Variants in CNTNAP2 observed in about 807,000 individuals in gnomAD.
The protein encoded by CNTNAP2 is contactin-associated protein-like 2.
In CNTNAP2, 98 loss-of-function variants were observed where a neutral mutation model predicts 155.2. The observed-to-expected ratio is 0.63, with a 90% CI of 0.54 to 0.75. The LOEUF (loss-of-function observed/expected upper bound fraction) is 0.75. Ranked by LOEUF, CNTNAP2 falls within the 30% of genes least tolerant of loss-of-function variation. The pLI is 0.00. For synonymous variants in CNTNAP2, 651 were observed against 631.2 expected, an observed-to-expected ratio of 1.03 and a Z score of -0.47; for missense variants, 1,727 against 1,688.1, an observed-to-expected ratio of 1.02 and a Z score of -0.40.
chr7:146,891,201 A>G (rs1336609474), intron 3 of CNTNAP2, among the ~76,000 whole-genome samples: 1 of 152,154 alleles, frequency 6.6e-6, no homozygotes, highest in African/African-American at 2.4e-5. Flanking sequence ...CATTGGGTAC[A>G]CTTCAACATA....
At chr7:146,618,441 T>G (rs17170197) in intron 1 of CNTNAP2, among the ~76,000 whole-genome samples, 10,942 of 152,220 alleles carry the variant, frequency 0.072, 422 homozygotes, top group Non-Finnish European at 0.083. Context: ...TTTCAAATTA[T>G]TTACAACCTA....
At position 146,542,596 on chromosome 7, in the gene CNTNAP2, A is replaced by AC. The variant is rs111242209; in HGVS notation, c.98-231668dup. On this transcript the variant is annotated intron_variant, in intron 1 of 23. Transcript: ENST00000361727. ...CCTTCCCTGACTCTCTCCTTTAGAG[A>AC]CCCCCCCTTACTTCCTGTGATATGC... Among the ~76,000 whole-genome samples, 791 of 151,326 alleles carry AC rather than the reference A, an allele frequency of 5.2e-3. 9 individuals carry two copies. Among genetic ancestry groups the AC allele is most frequent in the African/African-American group, 0.018 (737 of 41,304 alleles).
At chr7:146,675,170 GA>G (rs35323569) in intron 1 of CNTNAP2, among the ~76,000 whole-genome samples, 92,689 of 150,582 alleles carry the variant, frequency 0.62, 31,713 homozygotes, top group South Asian at 0.85. Flanking sequence ...AGATGTTTGA[GA>G]AAAAAAAAAT....
rs564106433 is a variant in CNTNAP2, at chr7:147,302,372, T to C, written c.1498+2082T>C. Among the ~76,000 whole-genome samples the C allele has an allele frequency of 1.4e-4, 21 of 152,308 alleles. No individual in the cohort carries two copies. The South Asian group carries it at 4.1e-3, about 30-fold the overall frequency. ...CCACACATTCATGGCATAGAGTTTA[T>C]AGGATATGAGGTCTTTATGGTGTGC... is the stretch of plus-strand genomic sequence containing the variant. On this transcript the variant is annotated intron_variant, in intron 9 of 23. Transcript: ENST00000361727.
chr7:147,457,616 A>G (rs142519898), intron 10 of CNTNAP2, among the ~76,000 whole-genome samples: 2 of 152,062 alleles, frequency 1.3e-5, no homozygotes, highest in East Asian at 3.9e-4. Flanking sequence ...AGAGCCTGAA[A>G]CTGTTATCTG....
chr7:146,966,106 A>G (rs1226125775), intron 3 of CNTNAP2, among the ~76,000 whole-genome samples: 9 of 152,170 alleles, frequency 5.9e-5, no homozygotes, highest in Non-Finnish European at 4.4e-5. Context: ...GGGTCTAATA[A>G]TGGAAACGTA....
chr7:146,202,382 A>G (rs1433847504), intron 1 of CNTNAP2, among the ~76,000 whole-genome samples: 1 of 152,178 alleles, frequency 6.6e-6, no homozygotes. Context: ...TCGTCTCTTG[A>G]GTGAATTTCT....
intron 19 of CNTNAP2, among the ~76,000 whole-genome samples, chr7:148,218,777 T>C (rs1314431422): frequency 1.3e-5 from 2 of 151,898 alleles, no homozygotes; most frequent in East Asian, 3.9e-4. Context: ...GCACCTAAAA[T>C]TGGCATCCTG....
intron 2 of CNTNAP2, among the ~76,000 whole-genome samples, chr7:146,809,404 C>T (rs1803025056): frequency 6.6e-6 from 1 of 151,870 alleles, no homozygotes. Context: ...CTCTGTCACC[C>T]AGGCTGGAGT....
chr7:147,184,304 A>C lies in CNTNAP2; in HGVS notation c.1348+51795A>C, dbSNP rs188156458. ...GGCTGCCCAACTTGTGGGTTTTCCA[A>C]TGCCTGAGGTCTTTACCATTTAAGT... On this transcript the variant is annotated intron_variant, in intron 8 of 23. Transcript: ENST00000361727. 3.3e-4 allele frequency among the ~76,000 whole-genome samples: 50 copies of C among 152,286 alleles called. 1 individual carries two copies. Among genetic ancestry groups the C allele is most frequent in the African/African-American group, 1.1e-3 (45 of 41,572 alleles).
At chr7:146,117,402 G>C (rs929671945) in intron 1 of CNTNAP2, 2 of 160,618 alleles carry the variant, frequency 1.2e-5, no homozygotes, top group Admixed American at 6.1e-5. Context: ...AGGTTAACAA[G>C]AGGAGCATGT....
chr7:147,975,101 T>C (rs1291343944), intron 14 of CNTNAP2, among the ~76,000 whole-genome samples: 1 of 151,710 alleles, frequency 6.6e-6, no homozygotes, highest in Non-Finnish European at 1.5e-5. Flanking sequence ...GTATTACGTA[T>C]AATACAATTT....
At chr7:146,350,356 A>C (rs1400231037) in intron 1 of CNTNAP2, among the ~76,000 whole-genome samples, 2 of 152,120 alleles carry the variant, frequency 1.3e-5, no homozygotes, top group African/African-American at 2.4e-5. Context: ...ACCCCATCAA[A>C]AAGTGGGCGA....
chr7:146,191,549 T>C (rs1401269667), intron 1 of CNTNAP2, among the ~76,000 whole-genome samples: 4 of 152,166 alleles, frequency 2.6e-5, no homozygotes, highest in Non-Finnish European at 1.5e-5. Flanking sequence ...CTCGTCCTAA[T>C]AGGCCTGGGA....
chr7:146,221,297 C>T (rs1003759670), intron 1 of CNTNAP2, among the ~76,000 whole-genome samples: 1 of 152,192 alleles, frequency 6.6e-6, no homozygotes, highest in Admixed American at 6.5e-5. Context: ...ACAATATATA[C>T]TGCAACAATA....
intron 2 of CNTNAP2, among the ~76,000 whole-genome samples, chr7:146,795,420 G>A (rs1802751254): frequency 6.6e-6 from 1 of 152,164 alleles, no homozygotes; most frequent in African/African-American, 2.4e-5. Context: ...TTAAGAAGAG[G>A]ATTCACATGT....
chr7:148,017,178 T>A (rs1415055381), intron 15 of CNTNAP2, among the ~76,000 whole-genome samples: 1 of 152,196 alleles, frequency 6.6e-6, no homozygotes, highest in Admixed American at 6.5e-5. Context: ...GCTTGGTCAC[T>A]GAGACATGCA....
rs77526256 is a variant in CNTNAP2, at chr7:147,260,514, T to C, written c.1349-39627T>C. Among the ~76,000 whole-genome samples, 145 of 152,284 alleles carry C rather than the reference T, an allele frequency of 9.5e-4. 3 individuals carry two copies. The East Asian group carries it at 0.026, about 27-fold the overall frequency. ...TTAGAGGACAGGAAAAGTCTGAAAA[T>C]ATTATAGTATGCATGAGATGACAAA... On this transcript the variant is annotated intron_variant, in intron 8 of 23. Coordinates refer to ENST00000361727, the MANE Select transcript of CNTNAP2 (RefSeq NM_014141.6).
At chr7:146,532,344 T>A (rs801939) in intron 1 of CNTNAP2, among the ~76,000 whole-genome samples, 2 of 151,920 alleles carry the variant, frequency 1.3e-5, no homozygotes, top group African/African-American at 4.8e-5. Flanking sequence ...TATGGAAAAG[T>A]GTGTTGATGG....
Sources: allele counts gnomAD v4.1 joint callset (sites outside exome capture counted in the v4.1 genomes callset), GRCh38; gene constraint gnomAD v4.1.1; transcripts MANE v1.5; gene names NCBI Gene and HGNC (gene_info 2026-07-23, HGNC 2026-07-21).